PNPLA6: variants seen among roughly 807,000 people sequenced by gnomAD.
PNPLA6 encodes the protein patatin like domain 6, lysophospholipase, also known as patatin-like phospholipase domain-containing protein 6.
In PNPLA6, 105 loss-of-function variants were observed where a neutral mutation model predicts 153.7. The observed-to-expected ratio is 0.68, with a 90% CI of 0.58 to 0.80. The LOEUF (loss-of-function observed/expected upper bound fraction) is 0.80, where lower values mean the gene tolerates loss of function less well. Ranked by LOEUF, PNPLA6 falls within the 30% of genes least tolerant of loss-of-function variation. The pLI, the probability that PNPLA6 is intolerant of heterozygous loss-of-function variation, is 0.00. For missense variants in PNPLA6, 1,423 were observed against 1,919.3 expected, an observed-to-expected ratio of 0.74 and a Z score of 4.83; for synonymous variants, 825 against 822.2, an observed-to-expected ratio of 1.00 and a Z score of -0.06.
rs564496088 is a variant in PNPLA6, at chr19:7,551,356, C to T, written c.2185-6C>T. On this transcript the variant is annotated splice_polypyrimidine_tract_variant and splice_region_variant and intron_variant, in intron 17 of 31. Transcript: ENST00000600737. ...TCACTGAAATGCCGGCCTCCAACGC[C>T]CCCAGGTCGTGACCCGCCTTATCCA... The T allele has an allele frequency of 8.7e-6, 14 of 1,613,882 alleles. No individual in the cohort carries two copies. The highest frequency in any genetic ancestry group is 8.0e-5 in the African/African-American group (6 of 75,002).
rs1220074088 is a variant in PNPLA6, at chr19:7,535,865, T to A, written c.77T>A (p.Val26Asp). Residue 26 changes from valine to aspartate, a missense_variant, in exon 1 of 32, where the codon GTC (valine) becomes GAC (aspartate). Physicochemically the swap from Val to Asp is radical, Grantham distance 152. Around this residue, in one of 10 missense-constraint regions of PNPLA6, gnomAD observed 109 missense variants for 109.4 expected, o/e 1.00. Coordinates refer to ENST00000600737, the MANE Select transcript of PNPLA6 (RefSeq NM_001166114.2). The surrounding 1 kb of genome is among the most constrained non-coding windows in gnomAD (Gnocchi z 5.0). ...GCGGAGAGGGATGGGTTCCAGGACG[T>A]CCTGGCGCCCGGGGAAGGCTCGGCG... ...KVAERDGFQD[V>D]LAPGEGSAGR... The A allele has an allele frequency of 6.5e-7, 1 of 1,540,126 alleles. No homozygotes were observed. The highest frequency in any genetic ancestry group is 2.0e-5 in the Admixed American group (1 of 51,064).
chr19:7,549,413 C>T (rs2023541989), intron 13 of PNPLA6, among the ~76,000 whole-genome samples: 1 of 151,824 alleles, frequency 6.6e-6, no homozygotes, highest in South Asian at 2.1e-4. Flanking sequence ...GTCTCGATCT[C>T]CTGACCTCTT....
In PNPLA6 at chr19:7,541,214, T is replaced by C. The variant is rs2023121814; in HGVS notation, c.925-140T>C. ...TGCAGCCGCGGACTCCTCCCTTAGC[T>C]GCCTCGCCCCATTTCCCCAGACTGT... On this transcript the variant is annotated intron_variant, in intron 7 of 31. Coordinates refer to ENST00000600737, the MANE Select transcript of PNPLA6 (RefSeq NM_001166114.2). The surrounding 1 kb of genome is among the most constrained non-coding windows in gnomAD (Gnocchi z 5.2). 1.8e-6 allele frequency: 2 copies of C among 1,092,402 alleles called. No individual in the cohort carries two copies. The highest frequency in any genetic ancestry group is 2.0e-5 in the Admixed American group (1 of 50,224). The allele number at this position is 1,092,402 out of a possible 1,614,324, so 67.7% of individuals were successfully genotyped here.
At chr19:7,552,627 T>C (rs1388702788) in intron 18 of PNPLA6, among the ~76,000 whole-genome samples, 2 of 151,266 alleles carry the variant, frequency 1.3e-5, no homozygotes, top group Non-Finnish European at 2.9e-5. Context: ...TGGTGGTGGG[T>C]GCCTGTAATC....
upstream of PNPLA6, chr19:7,535,577 G>A (rs752959129): frequency 5.9e-5 from 94 of 1,604,856 alleles, no homozygotes; most frequent in Non-Finnish European, 7.7e-5. The surrounding 1 kb of genome is among the most constrained non-coding windows in gnomAD (Gnocchi z 5.0). Flanking sequence ...AAACTGGAAT[G>A]GTAAGGGGTG....
chr19:7,535,671 C>A, upstream of PNPLA6: 4 of 1,535,434 alleles, frequency 2.6e-6, no homozygotes, highest in East Asian at 4.9e-5. This position sits in a 1 kb window ranked among gnomAD's most constrained non-coding sequence, Gnocchi z 5.0. Flanking sequence ...CGTGGTCTGG[C>A]GATAACGCGC....
chr19:7,557,425 C>T (rs2023930838), intron 27 of PNPLA6, 141 bp downstream of exon 27: 4 of 694,622 alleles, frequency 5.8e-6, no homozygotes, highest in South Asian at 3.0e-5. Flanking sequence ...CACATGCGCA[C>T]ACATACGATC....
At chr19:7,542,129 C>T (rs1351378782) in intron 10 of PNPLA6, 62 bp downstream of exon 10, 40 of 1,315,510 alleles carry the variant, frequency 3.0e-5, no homozygotes, top group Middle Eastern at 2.5e-4. Context: ...CCAGGTCCAC[C>T]GCCTGCCTGT....
rs149552675 is a variant in PNPLA6, at chr19:7,559,801, G to A, written c.3699+650G>A. The stretch of plus-strand genomic sequence containing the variant: ...TGAAGCTGCAGTGAGCTATGATTGC[G>A]TCACTGCACTCCAGCCTGGGTGACA... On this transcript the variant is annotated intron_variant, in intron 28 of 31. Transcript: ENST00000600737. 9.8e-3 allele frequency among the ~76,000 whole-genome samples: 1,479 copies of A among 151,324 alleles called. 17 individuals are homozygous for A. The highest frequency in any genetic ancestry group is 0.015 in the Non-Finnish European group (1,010 of 67,870).
chr19:7,541,621 G>T lies in PNPLA6; in HGVS notation c.1105G>T (p.Glu369Ter). 1.3e-6 allele frequency: 2 copies of T among 1,589,312 alleles called. No individual in the cohort carries two copies. The highest frequency in any genetic ancestry group is 1.8e-5 in the Admixed American group (1 of 56,602). ...AATGGTCAGCACCTCAGCTACAGAC[G>T]AGCCCAGGGAGACCCCAGGGCGGCC... ...KRMVSTSATD[E>*]PRETPGRPPD... is the part of the protein sequence containing the mutation. The change falls in exon 9 of 32, where the codon GAG (glutamate) becomes TAG (stop). Residue 369 changes from glutamate to a stop codon, truncating the protein, a stop_gained. Coordinates refer to ENST00000600737, the MANE Select transcript of PNPLA6 (RefSeq NM_001166114.2). LOFTEE classifies it high-confidence loss of function. This position sits in a 1 kb window ranked among gnomAD's most constrained non-coding sequence, Gnocchi z 5.2.
Position 7,541,567 on chromosome 19 carries a change from C to T in PNPLA6, c.1051C>T (p.Arg351Cys). ...RLFPSPGLPTRTSPVRGSKRM... is the reference protein window; with the variant it reads ...RLFPSPGLPTCTSPVRGSKRM... ...GTTCCCCAGCCCCGGCCTCCCAACT[C>T]GCACCAGCCCTGTGCGGGGCTCCAA... The change falls in exon 9 of 32, where the codon CGC (arginine) becomes TGC (cysteine). Residue 351 changes from arginine (R) to cysteine (C), a missense_variant. Arg to Cys is a radical substitution (Grantham distance 180). Coordinates refer to ENST00000600737, the MANE Select transcript of PNPLA6 (RefSeq NM_001166114.2). This position sits in a 1 kb window ranked among gnomAD's most constrained non-coding sequence, Gnocchi z 5.2. 6.3e-7 allele frequency: 1 copy of T among 1,599,770 alleles called. No homozygotes were observed. Among genetic ancestry groups the T allele is most frequent in the East Asian group, 2.3e-5 (1 of 44,024 alleles).
chr19:7,541,089 C>A lies in PNPLA6; in HGVS notation c.924+38C>A. The A allele has an allele frequency of 1.3e-6, 2 of 1,594,312 alleles. No individual in the cohort carries two copies. Among genetic ancestry groups the A allele is most frequent in the Non-Finnish European group, 1.7e-6 (2 of 1,171,142 alleles). On this transcript the variant is annotated intron_variant, in intron 7 of 31. Coordinates refer to ENST00000600737, the MANE Select transcript of PNPLA6 (RefSeq NM_001166114.2). This position sits in a 1 kb window ranked among gnomAD's most constrained non-coding sequence, Gnocchi z 5.2. ...TCGCCTCCTGTCACCCCCTGAGGGA[C>A]CCCACCCTGGCCCCCACCCATTCCA...
chr19:7,551,553 C>A, intron 18 of PNPLA6, 116 bp downstream of exon 18: 1 of 921,642 alleles, frequency 1.1e-6, no homozygotes, highest in Non-Finnish European at 1.8e-6. Context: ...GCGAAGAAAT[C>A]GTGCCCCTGA....
intron 13 of PNPLA6, among the ~76,000 whole-genome samples, chr19:7,549,374 G>A (rs968738851): frequency 4.0e-5 from 6 of 151,304 alleles, no homozygotes; most frequent in Non-Finnish European, 8.8e-5. Flanking sequence ...TTTCAGTAGA[G>A]ACGGGGTTTC....
Position 7,554,692 on chromosome 19 carries a change from G to A in PNPLA6, c.2603G>A (p.Gly868Asp), listed in dbSNP as rs2023793464. 2 of 1,613,752 alleles carry A rather than the reference G, an allele frequency of 1.2e-6. No individual in the cohort carries two copies. The highest frequency in any genetic ancestry group is 1.7e-6 in the Non-Finnish European group (2 of 1,179,986). ...LRQADCILIVGLGDQEPTLGQ... is the reference protein window; with the variant it reads ...LRQADCILIVDLGDQEPTLGQ... ...CAGGCCGACTGCATCCTCATTGTGG[G>A]CCTGGGGGACCAGGAGCCTACCCTC... The change falls in exon 21 of 32, where the codon GGC becomes GAC. Residue 868 changes from glycine to aspartate, a missense_variant. By Grantham distance (94) the Gly-to-Asp change is moderately conservative (BLOSUM62 -1). This residue lies in a region of PNPLA6 where 643 missense variants were observed against 835.2 expected (regional missense o/e 0.77). Coordinates refer to ENST00000600737, the MANE Select transcript of PNPLA6 (RefSeq NM_001166114.2).
intron 27 of PNPLA6, among the ~76,000 whole-genome samples, chr19:7,558,212 C>T (rs1157481806): frequency 6.6e-6 from 1 of 152,174 alleles, no homozygotes; most frequent in Non-Finnish European, 1.5e-5. Flanking sequence ...AATCTCACAC[C>T]CCAGAAGTGT....
In PNPLA6 at chr19:7,550,410, G is replaced by A; in HGVS notation, c.1927G>A (p.Ala643Thr). 2 of 1,611,454 alleles carry A rather than the reference G, an allele frequency of 1.2e-6. No individual in the cohort carries two copies. Among genetic ancestry groups the A allele is most frequent in the Non-Finnish European group, 1.7e-6 (2 of 1,179,936 alleles). Residue 643 changes from alanine to threonine, a missense_variant, in exon 15 of 32, where the codon GCG becomes ACG. Around this residue, in one of 10 missense-constraint regions of PNPLA6, gnomAD observed 63 missense variants for 166.2 expected, o/e 0.38. Coordinates refer to ENST00000600737, the MANE Select transcript of PNPLA6 (RefSeq NM_001166114.2). ...DFAIDWTAVE[A>T]GRALYRQGDR... ...CGCCATCGACTGGACTGCAGTGGAGGCGGGACGCGCGCTGTACAGGTGCAG... is the reference window on the plus strand; with the variant it reads ...CGCCATCGACTGGACTGCAGTGGAGACGGGACGCGCGCTGTACAGGTGCAG...
intron 29 of PNPLA6, 46 bp from the exon 30 acceptor site, chr19:7,560,968 G>T: frequency 7.5e-7 from 1 of 1,330,782 alleles, no homozygotes; most frequent in Non-Finnish European, 1.1e-6. Flanking sequence ...GGGGCCCCAA[G>T]ACTCTGTGGG....
Position 7,540,217 on chromosome 19 carries a change from G to A in PNPLA6, c.623G>A (p.Gly208Asp), listed in dbSNP as rs1336321413. ...LCRHMVFQRL[G>D]QGDYVFRPGQ... ...CGCCACATGGTCTTCCAGCGGCTGGGCCAGGGTGACTACGTCTTCCGGCCG... is the reference window on the plus strand; with the variant it reads ...CGCCACATGGTCTTCCAGCGGCTGGACCAGGGTGACTACGTCTTCCGGCCG... Residue 208 changes from glycine to aspartate, a missense_variant, in exon 5 of 32, where the codon GGC (glycine) becomes GAC (aspartate). Coordinates refer to ENST00000600737, the MANE Select transcript of PNPLA6 (RefSeq NM_001166114.2). The surrounding 1 kb of genome is among the most constrained non-coding windows in gnomAD (Gnocchi z 6.8). 2.5e-6 allele frequency: 4 copies of A among 1,610,158 alleles called. No homozygotes were observed. In the East Asian group the frequency reaches 8.9e-5, roughly 36 times the overall value.
Sources: gnomAD v4.1 joint callset for allele counts (sites outside exome capture counted in the v4.1 genomes callset) on GRCh38, gnomAD v4.1.1 for gene constraint, gnomAD v4.1.1 regional missense constraint, Gnocchi (gnomAD v3.1) non-coding constraint, MANE v1.5 for transcripts, NCBI Gene and HGNC (gene_info 2026-07-23, HGNC 2026-07-21) for gene names.